The following HSPA12A variants were observed in gnomAD, a reference collection of about 807,000 sequenced individuals.
HSPA12A encodes heat shock protein family A (Hsp70) member 12A.
A neutral mutation model predicts 69.2 loss-of-function variants in HSPA12A; 28 were observed. The observed-to-expected ratio is 0.40, with a 90% CI of 0.30 to 0.55. HSPA12A has a LOEUF of 0.55. Ranked by LOEUF, HSPA12A falls within the 20% of genes least tolerant of loss-of-function variation. The pLI is 0.38. For missense variants in HSPA12A, 686 were observed against 900.7 expected (o/e 0.76, Z 3.05); for synonymous variants, 345 against 370.5 (o/e 0.93, Z 0.79).
chr10:116,682,770 G>T (rs1040252427), intron 7 of HSPA12A, among the ~76,000 whole-genome samples: 1 of 151,934 alleles, frequency 6.6e-6, no homozygotes, highest in South Asian at 2.1e-4. Flanking sequence ...GTGCGATCTC[G>T]GCTCACTGCA....
chr10:116,788,866 A>T (rs1165330953), intron 2 of HSPA12A, among the ~76,000 whole-genome samples: 3 of 138,664 alleles, frequency 2.2e-5, no homozygotes, highest in South Asian at 4.6e-4. Flanking sequence ...CTACGCAGCT[A>T]TTTTTTTTTT....
intron 2 of HSPA12A, among the ~76,000 whole-genome samples, chr10:116,783,503 A>G (rs1045589819): frequency 1.1e-4 from 16 of 152,316 alleles, no homozygotes; most frequent in Admixed American, 4.6e-4. Flanking sequence ...ACACGGACAA[A>G]GAGCTACAGC....
intron 2 of HSPA12A, among the ~76,000 whole-genome samples, chr10:116,795,787 AATT>A (rs1200203904): frequency 1.3e-5 from 2 of 150,688 alleles, no homozygotes; most frequent in African/African-American, 4.9e-5. Context: ...ATTATTTATA[AATT>A]ATTATATACA....
At chr10:116,735,604 G>A (rs1023835264) in intron 1 of HSPA12A, among the ~76,000 whole-genome samples, 2 of 152,174 alleles carry the variant, frequency 1.3e-5, no homozygotes, top group African/African-American at 4.8e-5. Flanking sequence ...ACCCAGACTA[G>A]TTGAGCCATC....
At chr10:116,727,730 A>C (rs1242699781) in intron 1 of HSPA12A, among the ~76,000 whole-genome samples, 1 of 148,730 alleles carries the variant, frequency 6.7e-6, no homozygotes, top group Admixed American at 6.7e-5. Flanking sequence ...GATTTTGTCC[A>C]AGGGTAGGCT....
chr10:116,748,679 T>C (rs117110026), intron 2 of HSPA12A, among the ~76,000 whole-genome samples: 2,649 of 152,296 alleles, frequency 0.017, 22 homozygotes, highest in Middle Eastern at 0.041. Flanking sequence ...ACATCTTACA[T>C]GGATGGCGGT....
At chr10:116,697,688 G>C (rs1365921905) in intron 5 of HSPA12A, among the ~76,000 whole-genome samples, 1 of 152,194 alleles carries the variant, frequency 6.6e-6, no homozygotes, top group Non-Finnish European at 1.5e-5. Context: ...GTTTTACTCA[G>C]ATATAATTTC....
intron 2 of HSPA12A, among the ~76,000 whole-genome samples, chr10:116,779,161 CT>C: frequency 6.6e-6 from 1 of 152,344 alleles, no homozygotes. Context: ...AGTTGCTTCC[CT>C]TCGCAACATC....
intron 1 of HSPA12A, among the ~76,000 whole-genome samples, chr10:116,716,841 A>G (rs907564376): frequency 3.3e-5 from 5 of 152,128 alleles, no homozygotes; most frequent in Admixed American, 6.5e-5. Flanking sequence ...TCTGTTATCA[A>G]TGAACACAGG....
At chr10:116,815,341 A>G (rs978656510) in intron 2 of HSPA12A, among the ~76,000 whole-genome samples, 3 of 151,816 alleles carry the variant, frequency 2.0e-5, no homozygotes, top group Non-Finnish European at 2.9e-5. Flanking sequence ...CAAGACAGGC[A>G]GATCACTTGA....
chr10:116,769,627 C>T (rs1479173530), intron 2 of HSPA12A, among the ~76,000 whole-genome samples: 1 of 152,194 alleles, frequency 6.6e-6, no homozygotes, highest in Non-Finnish European at 1.5e-5. Flanking sequence ...GATTCCCCGT[C>T]TAAGTGCAGG....
At chr10:116,831,561 T>G (rs1845615188) in intron 2 of HSPA12A, 1 of 152,154 alleles carries the variant, frequency 6.6e-6, no homozygotes, top group Non-Finnish European at 1.5e-5. Context: ...AATCAAATTG[T>G]CCTTTGAGAA....
chr10:116,781,512 G>A (rs530587911), intron 2 of HSPA12A, among the ~76,000 whole-genome samples: 2 of 151,978 alleles, frequency 1.3e-5, no homozygotes, highest in South Asian at 2.1e-4. Context: ...GGGGAGGAGT[G>A]GGGAGGGGTG....
intron 2 of HSPA12A, among the ~76,000 whole-genome samples, chr10:116,706,840 C>T (rs1331797165): frequency 6.6e-6 from 1 of 152,184 alleles, no homozygotes; most frequent in South Asian, 2.1e-4. Context: ...GATTCACTAG[C>T]CCAGAGTCAG....
intron 10 of HSPA12A, among the ~76,000 whole-genome samples, chr10:116,678,817 G>A (rs1253904896): frequency 1.3e-5 from 2 of 152,196 alleles, no homozygotes; most frequent in Non-Finnish European, 2.9e-5. Flanking sequence ...GCTGGACAAT[G>A]GGGTATTTTA....
chr10:116,841,780 G>GT (rs1279907088), intron 1 of HSPA12A, among the ~76,000 whole-genome samples: 1 of 151,302 alleles, frequency 6.6e-6, no homozygotes, highest in Non-Finnish European at 1.5e-5. Flanking sequence ...ATTTGTGACT[G>GT]TTTTTTCTTT....
chr10:116,830,113 T>A (rs567768276), intron 2 of HSPA12A: 3 of 152,178 alleles, frequency 2.0e-5, no homozygotes, highest in Non-Finnish European at 2.9e-5. Flanking sequence ...ACAATACACA[T>A]GGAAAAACTC....
chr10:116,797,864 C>T (rs77009633), intron 2 of HSPA12A, among the ~76,000 whole-genome samples: 5,737 of 152,128 alleles, frequency 0.038, 379 homozygotes, highest in African/African-American at 0.13. Context: ...CATCAGTCCC[C>T]TGTAAGGACT....
intron 6 of HSPA12A, among the ~76,000 whole-genome samples, chr10:116,689,157 C>T (rs1324156487): frequency 6.6e-6 from 1 of 152,080 alleles, no homozygotes; most frequent in East Asian, 1.9e-4. Flanking sequence ...CAGACCTGCT[C>T]CTCACAACAT....
Sources: gnomAD v4.1 joint callset for allele counts (sites outside exome capture counted in the v4.1 genomes callset) on GRCh38, gnomAD v4.1.1 for gene constraint, MANE v1.5 for transcripts, NCBI Gene and HGNC (gene_info 2026-07-23, HGNC 2026-07-21) for gene names.